Variants in BRSK2 observed in about 807,000 individuals in gnomAD.
BRSK2 encodes BR serine/threonine kinase 2.
A neutral mutation model predicts 83.3 loss-of-function variants in BRSK2; 19 were observed. The ratio of observed to expected loss-of-function variants is 0.23; its 90% CI spans 0.16 to 0.33. The LOEUF (loss-of-function observed/expected upper bound fraction) is 0.33, where lower values mean the gene tolerates loss of function less well. Among genes scored for constraint, BRSK2 ranks in the 10% least tolerant of loss-of-function variants. BRSK2 has a pLI of 1.00. For missense variants in BRSK2, 798 were observed against 1,042.3 expected, an observed-to-expected ratio of 0.77 and a Z score of 3.23; for synonymous variants, 519 against 435.4, an observed-to-expected ratio of 1.19 and a Z score of -2.39.
At chr11:1,422,565 T>G (rs1461918313) in intron 1 of BRSK2, among the ~76,000 whole-genome samples, 1 of 152,060 alleles carries the variant, frequency 6.6e-6, no homozygotes, top group Admixed American at 6.5e-5. Flanking sequence ...CGAGGATGCA[T>G]GGCTGACAGT....
intron 19 of BRSK2, among the ~76,000 whole-genome samples, 199 bp from the exon 20 acceptor site, chr11:1,460,301 C>T (rs889499963): frequency 5.9e-5 from 9 of 152,100 alleles, no homozygotes; most frequent in Non-Finnish European, 1.0e-4. Flanking sequence ...CCGCCGCCTG[C>T]CCACCCTGCT....
At position 1,438,127 on chromosome 11, in the gene BRSK2, ACAGCTGGCACCAAAGGCCCCTGCG is replaced by A. The variant is rs1850593036; in HGVS notation, c.187-178_187-155del. Among the ~76,000 whole-genome samples, 2 of 121,592 alleles carry A rather than the reference ACAGCTGGCACCAAAGGCCCCTGCG, an allele frequency of 1.6e-5. No homozygotes were observed. Among genetic ancestry groups the A allele is most frequent in the African/African-American group, 3.2e-5 (1 of 31,132 alleles). 79.8% of individuals were successfully genotyped at this position (121,592 alleles called of 152,430 possible). On this transcript the variant is annotated intron_variant, in intron 2 of 19. Coordinates refer to ENST00000528841, the MANE Select transcript of BRSK2 (RefSeq NM_001256627.2). This position sits in a 1 kb window ranked among gnomAD's most constrained non-coding sequence, Gnocchi z 6.4. ...GGCACCAAAGGCCCCTGCGTCCCCC[ACAGCTGGCACCAAAGGCCCCTGCG>A]TCCCCCACAGCTGGCACCAAAGGCC...
intron 1 of BRSK2, among the ~76,000 whole-genome samples, chr11:1,412,897 C>T (rs1847688357): frequency 6.6e-6 from 1 of 152,182 alleles, no homozygotes; most frequent in African/African-American, 2.4e-5. Flanking sequence ...ACAGTAGTGG[C>T]AGTCACTCGC....
In BRSK2 at chr11:1,390,650, C is replaced by CT. The variant is rs1845666543; in HGVS notation, c.91+275_91+276insT. Among the ~76,000 whole-genome samples the CT allele has an allele frequency of 1.4e-5, 2 of 148,048 alleles. No homozygotes were observed. The highest frequency in any genetic ancestry group is 4.9e-5 in the African/African-American group (2 of 40,998). On this transcript the variant is annotated intron_variant, in intron 1 of 19. Coordinates refer to ENST00000528841, the MANE Select transcript of BRSK2 (RefSeq NM_001256627.2). This position sits in a 1 kb window ranked among gnomAD's most constrained non-coding sequence, Gnocchi z 6.8. Reference sequence around the variant, plus strand: ...CGGACAGGGGCGCACGGGACGGCGCCCCTCGGGCCCCGCTGCAGGTGCGCG... The same window carrying CT: ...CGGACAGGGGCGCACGGGACGGCGCCTCCTCGGGCCCCGCTGCAGGTGCGCG...
At chr11:1,405,468 G>A (rs907473104) in intron 1 of BRSK2, among the ~76,000 whole-genome samples, 1 of 152,106 alleles carries the variant, frequency 6.6e-6, no homozygotes, top group African/African-American at 2.4e-5. Context: ...CTGCATGATA[G>A]TTGAGAAGTT....
In BRSK2 at chr11:1,454,384, G is replaced by T. The variant is rs569766255; in HGVS notation, c.1545-101G>T. The T allele has an allele frequency of 1.4e-6, 2 of 1,398,798 alleles. No individual in the cohort carries two copies. Among genetic ancestry groups the T allele is most frequent in the Middle Eastern group, 2.1e-4 (1 of 4,816 alleles). The allele number at this position is 1,398,798 out of a possible 1,614,324, so 86.6% of individuals were successfully genotyped here. A position where few individuals can be genotyped will look rare whatever the true frequency, so the allele number is the denominator to read the frequency against. On this transcript the variant is annotated intron_variant, in intron 15 of 19. Coordinates refer to ENST00000528841, the MANE Select transcript of BRSK2 (RefSeq NM_001256627.2). This position sits in a 1 kb window ranked among gnomAD's most constrained non-coding sequence, Gnocchi z 5.2. ...TGGAGACAGCCGTTTCTATCACGAA[G>T]CGATGGAAGATTCCGCCGTTCCAAC...
Position 1,436,147 on chromosome 11 carries a change from G to T in BRSK2, c.186+13G>T, listed in dbSNP as rs529106605. The T allele has an allele frequency of 4.6e-6, 5 of 1,081,720 alleles. No individual in the cohort carries two copies. The South Asian group carries it at 6.9e-5, about 15-fold the overall frequency. 67.0% of individuals were successfully genotyped at this position (1,081,720 alleles called of 1,614,324 possible). A position where few individuals can be genotyped will look rare whatever the true frequency, so the allele number is the denominator to read the frequency against. On this transcript the variant is annotated intron_variant, in intron 2 of 19. Coordinates refer to ENST00000528841, the MANE Select transcript of BRSK2 (RefSeq NM_001256627.2). The stretch of plus-strand genomic sequence containing the variant: ...GGTGCTGATGAAGGTGGGTGGGGCC[G>T]GGGAGGGAGGCGGGGCCGGCGGTGG...
intron 2 of BRSK2, among the ~76,000 whole-genome samples, chr11:1,437,775 C>T (rs569994466): frequency 2.0e-4 from 31 of 152,352 alleles, no homozygotes; most frequent in African/African-American, 5.5e-4. Flanking sequence ...GCCCTGCATC[C>T]GACTGGCTGG....
Position 1,459,181 on chromosome 11 carries a change from C to T in BRSK2, c.1940-11C>T. On this transcript the variant is annotated splice_polypyrimidine_tract_variant and intron_variant, in intron 18 of 19. Coordinates refer to ENST00000528841, the MANE Select transcript of BRSK2 (RefSeq NM_001256627.2). ...TCACTCCCTCCCTCCTCTCTCCATT[C>T]TGTACTCCAGACACCACTAACTGTA... The T allele has an allele frequency of 6.2e-6, 10 of 1,613,664 alleles. No individual in the cohort carries two copies. The highest frequency in any genetic ancestry group is 8.5e-6 in the Non-Finnish European group (10 of 1,179,684).
intron 1 of BRSK2, among the ~76,000 whole-genome samples, chr11:1,435,550 C>T (rs1427268666): frequency 8.4e-5 from 1 of 11,876 alleles, no homozygotes; most frequent in Non-Finnish European, 1.7e-4. Context: ...GTGGGGGTCT[C>T]GGCGGAGGAG....
rs1346017633 is a variant in BRSK2 at position 1,454,722 on chromosome 11, C to T, written c.1668+114C>T. 30 of 1,361,312 alleles carry T rather than the reference C, an allele frequency of 2.2e-5. No homozygotes were observed. The highest frequency in any genetic ancestry group is 2.6e-4 in the Middle Eastern group (1 of 3,844). The allele number at this position is 1,361,312 out of a possible 1,614,324, so 84.3% of individuals were successfully genotyped here. A position where few individuals can be genotyped will look rare whatever the true frequency, so the allele number is the denominator to read the frequency against. Reference sequence around the variant, plus strand: ...GACATGTCCACGCGCACAGCACGGACGTCCGCTCACCCGTGGGCCTGCCTG... The same window carrying T: ...GACATGTCCACGCGCACAGCACGGATGTCCGCTCACCCGTGGGCCTGCCTG... On this transcript the variant is annotated intron_variant, in intron 16 of 19. Transcript: ENST00000528841. The surrounding 1 kb of genome is among the most constrained non-coding windows in gnomAD (Gnocchi z 5.2).
chr11:1,435,219 C>T (rs928162054), intron 1 of BRSK2, among the ~76,000 whole-genome samples: 6 of 139,136 alleles, frequency 4.3e-5, no homozygotes, highest in Non-Finnish European at 7.8e-5. Context: ...GGAGGGGTGC[C>T]GGTGGGGGTC....
chr11:1,445,044 T>G, intron 9 of BRSK2, 42 bp downstream of exon 9: 1 of 1,600,988 alleles, frequency 6.2e-7, no homozygotes, highest in Non-Finnish European at 8.6e-7. Context: ...CTTTGCCTGT[T>G]GCTGTGGCCT....
At chr11:1,440,639 G>C in intron 3 of BRSK2, 149 bp from the exon 4 acceptor site, 1 of 922,696 alleles carries the variant, frequency 1.1e-6, no homozygotes, top group Non-Finnish European at 1.5e-6. Flanking sequence ...ACCATAGTCA[G>C]GGCTCCTCTC....
At chr11:1,460,443 CCTTTT>C in intron 19 of BRSK2, 52 bp from the exon 20 acceptor site, 9 of 1,150,816 alleles carry the variant, frequency 7.8e-6, no homozygotes, top group Non-Finnish European at 9.1e-6. Context: ...TTTCTCTCCC[CCTTTT>C]TTTTCTTTTT....
chr11:1,455,381 G>A (rs1035850163), intron 16 of BRSK2, among the ~76,000 whole-genome samples: 2 of 136,862 alleles, frequency 1.5e-5, no homozygotes, highest in East Asian at 2.4e-4. Flanking sequence ...ACCACTGCCC[G>A]GGCGCCCTCC....
At chr11:1,417,487 C>G (rs896887888) in intron 1 of BRSK2, among the ~76,000 whole-genome samples, 2 of 152,212 alleles carry the variant, frequency 1.3e-5, no homozygotes, top group Admixed American at 1.3e-4. Flanking sequence ...CACCTGTGTC[C>G]TGCTTCTGTT....
intron 15 of BRSK2, among the ~76,000 whole-genome samples, chr11:1,452,496 G>A (rs952070875): frequency 3.3e-5 from 5 of 152,244 alleles, no homozygotes; most frequent in Non-Finnish European, 7.3e-5. Flanking sequence ...TCAAAGCCGA[G>A]AAGGTGGCTT....
At chr11:1,434,756 T>C (rs562452416) in intron 1 of BRSK2, among the ~76,000 whole-genome samples, 2 of 152,056 alleles carry the variant, frequency 1.3e-5, no homozygotes, top group East Asian at 1.9e-4. Context: ...CACCTAGGAT[T>C]GGGGTCCCCT....
Sources: gnomAD v4.1 joint callset for allele counts (sites outside exome capture counted in the v4.1 genomes callset) on GRCh38, gnomAD v4.1.1 for gene constraint, Gnocchi (gnomAD v3.1) non-coding constraint, MANE v1.5 for transcripts, NCBI Gene and HGNC (gene_info 2026-07-23, HGNC 2026-07-21) for gene names.